ROBO2: variants seen among roughly 807,000 people sequenced by gnomAD.
The protein encoded by ROBO2 is roundabout guidance receptor 2, also known as roundabout homolog 2.
In ROBO2, 53 loss-of-function variants were observed where a neutral mutation model predicts 160.8. The ratio of observed to expected loss-of-function variants is 0.33; its 90% CI spans 0.26 to 0.41. ROBO2 has a LOEUF of 0.41. Ranked by LOEUF, ROBO2 falls within the 10% of genes least tolerant of loss-of-function variation. ROBO2 has a pLI of 1.00. For missense variants in ROBO2, 1,577 were observed against 1,722.4 expected, an observed-to-expected ratio of 0.92 and a Z score of 1.49; for synonymous variants, 664 against 611.7, an observed-to-expected ratio of 1.09 and a Z score of -1.26.
intron 11 of ROBO2, 36 bp downstream of exon 12, chr3:77,563,365 G>T (rs766883443): frequency 3.7e-6 from 6 of 1,600,424 alleles, no homozygotes; most frequent in Admixed American, 3.3e-5. Flanking sequence ...ACTGGGTTTT[G>T]TCTTAGCTCC....
intron 2 of ROBO2, among the ~76,000 whole-genome samples, chr3:77,398,574 T>G (rs2075503875): frequency 1.3e-5 from 2 of 152,012 alleles, no homozygotes; most frequent in Non-Finnish European, 2.9e-5. Flanking sequence ...GGCCTCTTTT[T>G]TCTTTGTATT....
intron 2 of ROBO2, among the ~76,000 whole-genome samples, chr3:77,113,683 A>G (rs1197041915): frequency 6.6e-6 from 1 of 152,190 alleles, no homozygotes; most frequent in East Asian, 1.9e-4. Context: ...TGAGGACTGC[A>G]TGGTTGTCTT....
chr3:77,028,026 A>G (rs995950901), intron 2 of ROBO2, among the ~76,000 whole-genome samples: 10 of 151,946 alleles, frequency 6.6e-5, no homozygotes, highest in African/African-American at 1.7e-4. Flanking sequence ...ATTCCTCTCT[A>G]CTTCCTCACT....
At chr3:77,402,611 G>A (rs956208706) in intron 2 of ROBO2, among the ~76,000 whole-genome samples, 2 of 151,966 alleles carry the variant, frequency 1.3e-5, no homozygotes, top group Non-Finnish European at 2.9e-5. Context: ...AGTTTAACTG[G>A]TATATGACCT....
chr3:76,851,295 A>G (rs2069318387), intron 2 of ROBO2, among the ~76,000 whole-genome samples: 1 of 152,210 alleles, frequency 6.6e-6, no homozygotes. Context: ...AACCACATGT[A>G]TCTGGTGGCT....
intron 2 of ROBO2, among the ~76,000 whole-genome samples, chr3:77,333,859 A>G (rs577961514): frequency 8.5e-5 from 13 of 152,158 alleles, no homozygotes; most frequent in Non-Finnish European, 1.8e-4. Context: ...TTTTTCTGAA[A>G]TAGGGATGGA....
At chr3:76,571,600 G>A (rs1025921692) in intron 2 of ROBO2, among the ~76,000 whole-genome samples, 1 of 152,010 alleles carries the variant, frequency 6.6e-6, no homozygotes, top group Non-Finnish European at 1.5e-5. Flanking sequence ...ATTCATAGGA[G>A]TTAGGTAATA....
chr3:76,477,265 C>T (rs1337336581), intron 2 of ROBO2, among the ~76,000 whole-genome samples: 2 of 152,018 alleles, frequency 1.3e-5, no homozygotes, highest in African/African-American at 2.4e-5. Flanking sequence ...TTCGGTTAGA[C>T]CAGGAGTTGA....
intron 2 of ROBO2, among the ~76,000 whole-genome samples, chr3:76,756,706 C>T (rs545733122): frequency 2.0e-5 from 3 of 151,756 alleles, no homozygotes; most frequent in East Asian, 2.0e-4. Flanking sequence ...GCCGGGAGTA[C>T]TCCACCTAAG....
chr3:77,463,522 G>T (rs998668180), intron 2 of ROBO2, among the ~76,000 whole-genome samples: 1 of 151,790 alleles, frequency 6.6e-6, no homozygotes, highest in Non-Finnish European at 1.5e-5. Context: ...AGACATTAAG[G>T]CCTGAAAAAT....
At chr3:76,442,343 G>A (rs950890560) in intron 2 of ROBO2, among the ~76,000 whole-genome samples, 1 of 152,156 alleles carries the variant, frequency 6.6e-6, no homozygotes, top group Non-Finnish European at 1.5e-5. Flanking sequence ...TCAAGGGTGT[G>A]TCCAGTAAAT....
chr3:76,863,347 T>A (rs535498302), intron 2 of ROBO2, among the ~76,000 whole-genome samples: 81 of 151,520 alleles, frequency 5.3e-4, no homozygotes, highest in Non-Finnish European at 9.6e-4. Flanking sequence ...GTTGGTTTTT[T>A]AAAAATCAGA....
intron 2 of ROBO2, among the ~76,000 whole-genome samples, chr3:76,037,917 A>C (rs899379740): frequency 1.3e-5 from 2 of 152,054 alleles, no homozygotes; most frequent in Non-Finnish European, 2.9e-5. Context: ...AGTATGAATA[A>C]GTAAAATTAA....
intron 1 of ROBO2, among the ~76,000 whole-genome samples, chr3:77,093,106 T>G (rs2150036967): frequency 6.6e-6 from 1 of 152,070 alleles, no homozygotes; most frequent in East Asian, 1.9e-4. Flanking sequence ...CTCAGAGCCA[T>G]ACAAAAACTG....
chr3:77,330,979 T>C (rs1274161659), intron 2 of ROBO2, among the ~76,000 whole-genome samples: 1 of 152,310 alleles, frequency 6.6e-6, no homozygotes, highest in African/African-American at 2.4e-5. Flanking sequence ...CATATAGTAT[T>C]CTGTATGATG....
At chr3:76,008,900 A>T (rs2066110663) in intron 2 of ROBO2, among the ~76,000 whole-genome samples, 1 of 152,154 alleles carries the variant, frequency 6.6e-6, no homozygotes, top group African/African-American at 2.4e-5. Flanking sequence ...ATGTATATTT[A>T]TGCTTAGGTT....
At chr3:76,735,457 G>C (rs945939629) in intron 2 of ROBO2, among the ~76,000 whole-genome samples, 1 of 151,956 alleles carries the variant, frequency 6.6e-6, no homozygotes, top group African/African-American at 2.4e-5. Flanking sequence ...AAGGCAGCGG[G>C]GCATGGGTTA....
At chr3:77,592,654 C>G (rs1356156345) in intron 17 of ROBO2, among the ~76,000 whole-genome samples, 1 of 152,248 alleles carries the variant, frequency 6.6e-6, no homozygotes, top group East Asian at 1.9e-4. Flanking sequence ...CAAGTTCAAG[C>G]AATTCTCCTA....
At chr3:77,006,838 T>C (rs2061605534) in intron 2 of ROBO2, among the ~76,000 whole-genome samples, 1 of 151,976 alleles carries the variant, frequency 6.6e-6, no homozygotes, top group Admixed American at 6.6e-5. Context: ...AAATCAAAAG[T>C]TAAAAACTGC....
Sources: allele counts gnomAD v4.1 joint callset (sites outside exome capture counted in the v4.1 genomes callset), GRCh38; gene constraint gnomAD v4.1.1; transcripts MANE v1.5; gene names NCBI Gene and HGNC (gene_info 2026-07-23, HGNC 2026-07-21).